Variants in UIMC1 observed in about 807,000 individuals in gnomAD.
The protein encoded by UIMC1 is ubiquitin interaction motif containing 1.
UIMC1 carries 42 observed loss-of-function variants against 84.9 expected under a neutral mutation model. The ratio of observed to expected loss-of-function variants is 0.49; its 90% CI spans 0.39 to 0.64. The LOEUF (loss-of-function observed/expected upper bound fraction) is 0.64. UIMC1 is among the 30% of genes least tolerant of loss of function. The pLI is 0.00. For missense variants in UIMC1, 825 were observed against 847.6 expected (o/e 0.97, Z 0.33); for synonymous variants, 281 against 293.0 (o/e 0.96, Z 0.42).
At chr5:176,919,123 T>C (rs1022960613) in intron 10 of UIMC1, 24 of 365,174 alleles carry the variant, frequency 6.6e-5, no homozygotes, top group Non-Finnish European at 1.2e-4. Context: ...TATATTCATG[T>C]ACCATATAAT....
At chr5:176,905,712 C>T (rs1365797125) in intron 14 of UIMC1, 3 of 637,820 alleles carry the variant, frequency 4.7e-6, no homozygotes, top group African/African-American at 3.7e-5. Context: ...GAACTGAGAT[C>T]CAAATTCCCA....
At chr5:176,982,714 T>C in intron 1 of UIMC1, 91 bp from the exon 2 acceptor site, 1 of 1,401,622 alleles carries the variant, frequency 7.1e-7, no homozygotes, top group African/African-American at 1.5e-5. Context: ...AACTTAGTCT[T>C]TTTTTGAGAT....
intron 6 of UIMC1, among the ~76,000 whole-genome samples, chr5:176,965,327 G>A (rs1040079825): frequency 6.6e-6 from 1 of 151,626 alleles, no homozygotes; most frequent in Admixed American, 6.6e-5. Flanking sequence ...GGAGGCTGAG[G>A]CAGGAGAATG....
chr5:176,927,763 T>C (rs565692874), intron 10 of UIMC1, among the ~76,000 whole-genome samples: 1 of 150,044 alleles, frequency 6.7e-6, no homozygotes, highest in African/African-American at 2.5e-5. Context: ...GTGGCCTGTT[T>C]CAAAAAAAAA....
At chr5:176,971,833 C>A (rs1261495558) in intron 3 of UIMC1, among the ~76,000 whole-genome samples, 1 of 150,760 alleles carries the variant, frequency 6.6e-6, no homozygotes, top group Non-Finnish European at 1.5e-5. Flanking sequence ...CACTTGAACC[C>A]GGGAGGCGGA....
chr5:176,920,888 AT>A (rs1193107125), intron 10 of UIMC1, among the ~76,000 whole-genome samples: 1 of 152,230 alleles, frequency 6.6e-6, no homozygotes, highest in African/African-American at 2.4e-5. Flanking sequence ...GTCTTTCACC[AT>A]TAAGTATGAT....
At chr5:176,927,226 G>C (rs67495028) in intron 10 of UIMC1, among the ~76,000 whole-genome samples, 2 of 54,434 alleles carry the variant, frequency 3.7e-5, no homozygotes, top group African/African-American at 5.5e-5. Context: ...AAAAAAAAAA[G>C]CACCAGTAGT....
In UIMC1 at chr5:176,969,303, T is replaced by C. The variant is rs1483859213; in HGVS notation, c.464-12A>G. 6.3e-7 allele frequency: 1 copy of C among 1,588,738 alleles called. No individual in the cohort carries two copies. On this transcript the variant is annotated splice_polypyrimidine_tract_variant and intron_variant, in intron 5 of 14. Coordinates refer to ENST00000511320, the MANE Select transcript of UIMC1 (RefSeq NM_001199298.2). ...CAGCTGCCATATGCCTGTAGGTATT[T>C]GAGAAAAAGTAGGGCTAAGGACAAA... is the stretch of plus-strand genomic sequence containing the variant.
Position 176,955,997 on chromosome 5 carries a change from A to T in UIMC1, c.1301T>A (p.Met434Lys), listed in dbSNP as rs1429043139. ...ALTSKRSLVL[M>K]PESSAEEITV... ...GATTTCTTCTGCAGAACTCTCTGGC[A>T]TAAGGACTAAGCTTCTCTTACTGGT... The change falls in exon 8 of 15, where the codon ATG (methionine) becomes AAG (lysine). Residue 434 changes from methionine to lysine, a missense_variant. Transcript: ENST00000511320. 6.2e-7 allele frequency: 1 copy of T among 1,613,768 alleles called. No individual in the cohort carries two copies. Among genetic ancestry groups the T allele is most frequent in the Non-Finnish European group, 8.5e-7 (1 of 1,179,788 alleles).
rs147477855 is a variant in UIMC1, at chr5:176,922,476, G to A, written c.1598-11087C>T. Among the ~76,000 whole-genome samples, 59 of 152,278 alleles carry A rather than the reference G, an allele frequency of 3.9e-4. 1 individual carries two copies. In the East Asian group the frequency reaches 5.8e-3, roughly 15 times the overall value. ...CTCTCACCAAAAGATTCTCAAGTCCGTCCACTTCTACTAACACTGCTTTAT... is the reference window on the plus strand; with the variant it reads ...CTCTCACCAAAAGATTCTCAAGTCCATCCACTTCTACTAACACTGCTTTAT... On this transcript the variant is annotated intron_variant, in intron 10 of 14. Coordinates refer to ENST00000511320, the MANE Select transcript of UIMC1 (RefSeq NM_001199298.2).
rs983360231 is a variant in UIMC1 at position 176,950,870 on chromosome 5, C to CA, written c.1443+603dup. On this transcript the variant is annotated intron_variant, in intron 9 of 14. Transcript: ENST00000511320. ...TGGGCAACAGAGTGAAACTCCATCCCAAAAAAAAGAAAAGAAAAGGAAAAA... is the reference window on the plus strand; with the variant it reads ...TGGGCAACAGAGTGAAACTCCATCCCAAAAAAAAAGAAAAGAAAAGGAAAAA... Among the ~76,000 whole-genome samples, 15 of 150,754 alleles carry CA rather than the reference C, an allele frequency of 9.9e-5. No individual in the cohort carries two copies. The East Asian group carries it at 2.0e-3, about 20-fold the overall frequency.
intron 8 of UIMC1, among the ~76,000 whole-genome samples, chr5:176,955,075 C>T (rs994668957): frequency 5.9e-5 from 9 of 152,010 alleles, no homozygotes; most frequent in African/African-American, 2.2e-4. Context: ...TCAGAAAAGC[C>T]AGAAAGGAAA....
At chr5:176,939,793 GA>G (rs1764195423) in intron 10 of UIMC1, among the ~76,000 whole-genome samples, 1 of 152,112 alleles carries the variant, frequency 6.6e-6, no homozygotes, top group Non-Finnish European at 1.5e-5. Flanking sequence ...ATTTCCCTAT[GA>G]AAAAGAAAGT....
At chr5:176,968,021 T>G (rs935437843) in intron 6 of UIMC1, among the ~76,000 whole-genome samples, 1 of 151,876 alleles carries the variant, frequency 6.6e-6, no homozygotes, top group African/African-American at 2.4e-5. Flanking sequence ...GAACAAAACT[T>G]AACACAGAAG....
chr5:176,965,133 C>G (rs1349058133), intron 6 of UIMC1, among the ~76,000 whole-genome samples: 1 of 152,154 alleles, frequency 6.6e-6, no homozygotes, highest in Non-Finnish European at 1.5e-5. Context: ...TATTTTAAAA[C>G]TTCTGAAGCC....
At chr5:176,927,774 C>A (rs1211345220) in intron 10 of UIMC1, among the ~76,000 whole-genome samples, 3 of 148,944 alleles carry the variant, frequency 2.0e-5, no homozygotes, top group Non-Finnish European at 4.5e-5. Flanking sequence ...CAAAAAAAAA[C>A]AAAACAAAAC....
At chr5:176,918,875 G>C (rs1447126288) in intron 10 of UIMC1, among the ~76,000 whole-genome samples, 1 of 152,154 alleles carries the variant, frequency 6.6e-6, no homozygotes, top group Non-Finnish European at 1.5e-5. Flanking sequence ...CCTATCTGCT[G>C]AATGTGACAG....
At chr5:176,968,445 G>A in intron 6 of UIMC1, 110 bp downstream of exon 6, 1 of 1,399,274 alleles carries the variant, frequency 7.1e-7, no homozygotes, top group African/African-American at 1.4e-5. Flanking sequence ...TAGTGAACAT[G>A]TATTACTTTA....
intron 6 of UIMC1, among the ~76,000 whole-genome samples, chr5:176,963,299 T>C (rs2149475461): frequency 6.6e-6 from 1 of 151,864 alleles, no homozygotes; most frequent in East Asian, 1.9e-4. Context: ...GGGGGGCGGA[T>C]GCCTTGAGGC....
Sources: gnomAD v4.1 joint callset for allele counts (sites outside exome capture counted in the v4.1 genomes callset) on GRCh38, gnomAD v4.1.1 for gene constraint, MANE v1.5 for transcripts, NCBI Gene and HGNC (gene_info 2026-07-23, HGNC 2026-07-21) for gene names.